PDGFRB: variants seen among roughly 807,000 people sequenced by gnomAD.
PDGFRB encodes the protein platelet-derived growth factor receptor beta.
PDGFRB carries 42 observed loss-of-function variants against 120.2 expected under a neutral mutation model. The observed-to-expected ratio is 0.35, with a 90% CI of 0.27 to 0.45. The LOEUF is 0.45. Ranked by LOEUF, PDGFRB falls within the 20% of genes least tolerant of loss-of-function variation. PDGFRB has a pLI of 1.00. For missense variants in PDGFRB, 1,149 were observed against 1,476.3 expected, an observed-to-expected ratio of 0.78 and a Z score of 3.63; for synonymous variants, 586 against 606.8, an observed-to-expected ratio of 0.97 and a Z score of 0.50.
At chr5:150,135,930 C>T (rs1252893108) in intron 2 of PDGFRB, 52 bp from the exon 3 acceptor site, 3 of 1,348,314 alleles carry the variant, frequency 2.2e-6, no homozygotes, top group Admixed American at 2.4e-5. Context: ...CAGCACCTCT[C>T]CCAAGGCTGA....
At chr5:150,117,878 A>G (rs1283525583) in intron 21 of PDGFRB, 28 bp from the exon 22 acceptor site, 1 of 1,374,630 alleles carries the variant, frequency 7.3e-7, no homozygotes, top group African/African-American at 1.4e-5. Flanking sequence ...AGAACCAAAG[A>G]AACAGGGATG....
chr5:150,130,019 A>AGGGAAACTGAG, intron 9 of PDGFRB, 51 bp from the exon 10 acceptor site: 1 of 1,369,798 alleles, frequency 7.3e-7, no homozygotes, highest in Non-Finnish European at 1.0e-6. Context: ...CCTTGCAGAC[A>AGGGAAACTGAG]GGGAAACTGA....
Position 150,120,868 on chromosome 5 carries a change from G to A in PDGFRB, c.2586+20C>T. Reference sequence around the variant, plus strand: ...CACAGGCACTGTGACTGCCCTGCAGGGGCCAGGGAAGGTACTCACGCTGCC... The same window carrying A: ...CACAGGCACTGTGACTGCCCTGCAGAGGCCAGGGAAGGTACTCACGCTGCC... On this transcript the variant is annotated intron_variant, in intron 18 of 22. Transcript: ENST00000261799. The surrounding 1 kb of genome is among the most constrained non-coding windows in gnomAD (Gnocchi z 4.3). 1 of 1,611,682 alleles carries A rather than the reference G, an allele frequency of 6.2e-7. No homozygotes were observed. Among genetic ancestry groups the A allele is most frequent in the Non-Finnish European group, 8.5e-7 (1 of 1,177,880 alleles).
At position 150,129,723 on chromosome 5, in the gene PDGFRB, G is replaced by A. The variant is rs1337600019; in HGVS notation, c.1579+34C>T. Reference sequence around the variant, plus strand: ...TTAGGCAGGATTAAGGTAGGGATTGGGATCGTCAGGGGCCACTGAGGCTGG... The same window carrying A: ...TTAGGCAGGATTAAGGTAGGGATTGAGATCGTCAGGGGCCACTGAGGCTGG... On this transcript the variant is annotated intron_variant, in intron 10 of 22. Coordinates refer to ENST00000261799, the MANE Select transcript of PDGFRB (RefSeq NM_002609.4). 2.6e-6 allele frequency: 4 copies of A among 1,555,220 alleles called. No homozygotes were observed. In the Admixed American group the frequency reaches 5.0e-5, roughly 20 times the overall value.
In PDGFRB at chr5:150,120,037, G is replaced by T. The variant is rs769536401; in HGVS notation, c.2673C>A (p.Ile891=). 2 of 1,587,024 alleles carry T rather than the reference G, an allele frequency of 1.3e-6. No individual in the cohort carries two copies. The highest frequency in any genetic ancestry group is 1.7e-6 in the Non-Finnish European group (2 of 1,155,454). Residue 891 remains isoleucine, a synonymous_variant, in exon 19 of 23, where the codon ATC becomes ATA. Transcript: ENST00000261799. The surrounding 1 kb of genome is among the most constrained non-coding windows in gnomAD (Gnocchi z 4.3). The part of the protein sequence containing the change: ...TTLSDVWSFG[I]LLWEIFTLGG... ...CCAAGGTGAAGATCTCCCAGAGCAGGATCCCGAAGGACCACACGTCGCTCA... is the reference window on the plus strand; with the variant it reads ...CCAAGGTGAAGATCTCCCAGAGCAGTATCCCGAAGGACCACACGTCGCTCA...
At chr5:150,116,024 G>A (rs958486874) in intron 22 of PDGFRB, 78 bp from the exon 23 acceptor site, 3 of 1,311,294 alleles carry the variant, frequency 2.3e-6, no homozygotes, top group South Asian at 1.4e-5. Flanking sequence ...AGAGCCTTCG[G>A]TGTGTCCACC....
intron 22 of PDGFRB, 53 bp downstream of exon 22, chr5:150,117,565 C>CAT (rs1295876820): frequency 1.6e-5 from 16 of 985,866 alleles, no homozygotes; most frequent in Non-Finnish European, 2.2e-5. Flanking sequence ...CACACACACA[C>CAT]ACACACACAC....
chr5:150,149,629 G>A (rs1337552692), intron 1 of PDGFRB, among the ~76,000 whole-genome samples: 1 of 152,182 alleles, frequency 6.6e-6, no homozygotes, highest in Non-Finnish European at 1.5e-5. Context: ...ACACTGATAA[G>A]GACACAAATA....
intron 2 of PDGFRB, 90 bp downstream of exon 2, chr5:150,136,918 G>T: frequency 1.0e-6 from 1 of 1,002,300 alleles, no homozygotes; most frequent in Non-Finnish European, 1.6e-6. Flanking sequence ...GGTGCTTCAC[G>T]CCCTGCCACC....
Position 150,124,156 on chromosome 5 carries a change from G to C in PDGFRB, c.2023+94C>G, listed in dbSNP as rs980894275. ...TGGGCACGGACCCTCCAGCAGGAGT[G>C]TGCTGTTGTGCAAGGCCTGAGGGGG... On this transcript the variant is annotated intron_variant, in intron 14 of 22. Coordinates refer to ENST00000261799, the MANE Select transcript of PDGFRB (RefSeq NM_002609.4). 6.3e-6 allele frequency: 5 copies of C among 790,546 alleles called. No individual in the cohort carries two copies. The African/African-American group carries it at 8.5e-5, about 14-fold the overall frequency. The allele number at this position is 790,546 out of a possible 1,614,324, so 49.0% of individuals were successfully genotyped here.
At chr5:150,151,824 T>G (rs1459380207) in intron 1 of PDGFRB, among the ~76,000 whole-genome samples, 6 of 142,052 alleles carry the variant, frequency 4.2e-5, no homozygotes, top group Middle Eastern at 3.8e-3. Context: ...ATCATACCAT[T>G]GCACTCCAGC....
At position 150,135,033 on chromosome 5, in the gene PDGFRB, C is replaced by G; in HGVS notation, c.365-17G>C. The G allele has an allele frequency of 7.4e-7, 1 of 1,357,976 alleles. No homozygotes were observed. Among genetic ancestry groups the G allele is most frequent in the East Asian group, 2.3e-5 (1 of 43,530 alleles). The allele number at this position is 1,357,976 out of a possible 1,614,324, so 84.1% of individuals were successfully genotyped here. On this transcript the variant is annotated splice_polypyrimidine_tract_variant and intron_variant, in intron 3 of 22. Transcript: ENST00000261799. ...CGGTGGGATCTGCCAGGAGTGGAGCCGTGAATAAATCAGGGGAACTGGGTT... is the reference window on the plus strand; with the variant it reads ...CGGTGGGATCTGCCAGGAGTGGAGCGGTGAATAAATCAGGGGAACTGGGTT...
chr5:150,137,143 A>C, intron 1 of PDGFRB, 90 bp from the exon 2 acceptor site: 1 of 1,082,428 alleles, frequency 9.2e-7, no homozygotes, highest in Admixed American at 2.3e-5. Context: ...AATGAGCCCC[A>C]GCTTGGGCCA....
In PDGFRB at chr5:150,132,801, T is replaced by C; in HGVS notation, c.1076A>G (p.Asp359Gly). 7 of 1,612,774 alleles carry C rather than the reference T, an allele frequency of 4.3e-6. No individual in the cohort carries two copies. The highest frequency in any genetic ancestry group is 5.9e-6 in the Non-Finnish European group (7 of 1,179,586). Reference sequence around the variant, plus strand: ...CAGGGCGATTTCGCCAGCGCTGGAGTCGCCCAGGGTGCGGTTGTCTTTGAA... The same window carrying C: ...CAGGGCGATTTCGCCAGCGCTGGAGCCGCCCAGGGTGCGGTTGTCTTTGAA... ...LWFKDNRTLG[D>G]SSAGEIALST... The change falls in exon 7 of 23, where the codon GAC (aspartate) becomes GGC (glycine). Residue 359 changes from aspartate to glycine, a missense_variant. Asp to Gly is a moderately conservative substitution (Grantham distance 94, BLOSUM62 -1). This residue lies in a region of PDGFRB where 879 missense variants were observed against 1,108.6 expected (regional missense o/e 0.79). Transcript: ENST00000261799. This position sits in a 1 kb window ranked among gnomAD's most constrained non-coding sequence, Gnocchi z 5.0.
chr5:150,137,729 G>C (rs770346863), intron 1 of PDGFRB, among the ~76,000 whole-genome samples: 2 of 152,218 alleles, frequency 1.3e-5, no homozygotes, highest in African/African-American at 4.8e-5. Context: ...ACAGGTCCTT[G>C]GAGACCAGTG....
chr5:150,155,735 G>A lies in PDGFRB; in HGVS notation c.-345C>T, dbSNP rs1164261359. 4 of 398,576 alleles carry A rather than the reference G, an allele frequency of 1.0e-5. No individual in the cohort carries two copies. The highest frequency in any genetic ancestry group is 4.4e-5 in the Admixed American group (1 of 22,720). The allele number at this position is 398,576 out of a possible 1,614,324, so 24.7% of individuals were successfully genotyped here. ...GAGCACAGGCTGCTGCTGGGCAGCAGGGCTGAGGGGCCGGCTCTCTCCTCC... is the reference window on the plus strand; with the variant it reads ...GAGCACAGGCTGCTGCTGGGCAGCAAGGCTGAGGGGCCGGCTCTCTCCTCC... On this transcript the variant is annotated 5_prime_UTR_variant, in exon 1 of 23. Coordinates refer to ENST00000261799, the MANE Select transcript of PDGFRB (RefSeq NM_002609.4).
At chr5:150,137,502 G>C (rs866004240) in intron 1 of PDGFRB, 32 of 158,996 alleles carry the variant, frequency 2.0e-4, no homozygotes, top group Middle Eastern at 2.8e-3. Flanking sequence ...GGAGGAGGAG[G>C]GGGGAGGCCA....
At chr5:150,122,541 T>G (rs924384393) in intron 15 of PDGFRB, among the ~76,000 whole-genome samples, 12 of 152,122 alleles carry the variant, frequency 7.9e-5, no homozygotes, top group Non-Finnish European at 1.8e-4. Context: ...AGGACATGAG[T>G]GGGTTTTAAG....
At chr5:150,118,916 G>A (rs946441644) in intron 20 of PDGFRB, 64 bp from the exon 21 acceptor site, 2 of 955,128 alleles carry the variant, frequency 2.1e-6, no homozygotes, top group East Asian at 2.4e-5. Context: ...CAGGGCTGGG[G>A]GAGCAGGAGG....
Sources: gnomAD v4.1 joint callset for allele counts (sites outside exome capture counted in the v4.1 genomes callset) on GRCh38, gnomAD v4.1.1 for gene constraint, gnomAD v4.1.1 regional missense constraint, Gnocchi (gnomAD v3.1) non-coding constraint, MANE v1.5 for transcripts, NCBI Gene and HGNC (gene_info 2026-07-23, HGNC 2026-07-21) for gene names.